The following PALS2 variants were observed in gnomAD, a reference collection of about 807,000 sequenced individuals.
PALS2 encodes protein PALS2.
A neutral mutation model predicts 61.6 loss-of-function variants in PALS2; 27 were observed. That is an observed-to-expected ratio of 0.44 (90% CI 0.32 to 0.60). PALS2 has a LOEUF of 0.60. Ranked by LOEUF, PALS2 falls within the 20% of genes least tolerant of loss-of-function variation. The pLI is 0.05. For missense variants in PALS2, 554 were observed against 639.4 expected (o/e 0.87, Z 1.44); for synonymous variants, 236 against 218.6 (o/e 1.08, Z -0.70).
intron 1 of PALS2, among the ~76,000 whole-genome samples, chr7:24,611,944 G>A (rs1027889327): frequency 4.0e-5 from 6 of 151,800 alleles, no homozygotes; most frequent in Non-Finnish European, 7.4e-5. Context: ...GTCTGGGTAC[G>A]ATATGATAAT....
chr7:24,643,393 G>A (rs1321421593), intron 3 of PALS2, among the ~76,000 whole-genome samples: 1 of 152,024 alleles, frequency 6.6e-6, no homozygotes, highest in African/African-American at 2.4e-5. Flanking sequence ...GATCACTATT[G>A]TACTCTTAGC....
At chr7:24,667,030 G>T (rs1318533932) in intron 8 of PALS2, 1 of 151,986 alleles carries the variant, frequency 6.6e-6, no homozygotes, top group African/African-American at 2.4e-5. Context: ...ATAGAAGGAA[G>T]AAGTAGGCTT....
In PALS2 at chr7:24,668,382, A is replaced by G. The variant is rs1012318604; in HGVS notation, c.953-117A>G. 4.8e-5 allele frequency: 43 copies of G among 902,802 alleles called. No individual in the cohort carries two copies. The African/African-American group carries it at 6.3e-4, about 13-fold the overall frequency. 55.9% of individuals were successfully genotyped at this position (902,802 alleles called of 1,614,324 possible). On this transcript the variant is annotated intron_variant, in intron 8 of 11. Coordinates refer to ENST00000222644, the MANE Select transcript of PALS2 (RefSeq NM_001303037.2). ...AAAAACAAATCTATGCTAAGTGGGT[A>G]CAAGTCAAGTGATATTTAACTATCA...
chr7:24,647,748 CAA>C (rs535094025), intron 3 of PALS2, among the ~76,000 whole-genome samples: 22 of 152,290 alleles, frequency 1.4e-4, no homozygotes, highest in African/African-American at 5.1e-4. Flanking sequence ...CAAGTGGTAA[CAA>C]ATGAGTTTTT....
At chr7:24,575,941 T>G (rs985572830) in intron 1 of PALS2, among the ~76,000 whole-genome samples, 3 of 152,218 alleles carry the variant, frequency 2.0e-5, no homozygotes, top group Non-Finnish European at 4.4e-5. Flanking sequence ...CCAGAGTGAT[T>G]CACTTGATGA....
chr7:24,654,681 T>C lies in PALS2; in HGVS notation c.651+3969T>C, dbSNP rs114212565. Among the ~76,000 whole-genome samples, 792 of 152,320 alleles carry C rather than the reference T, an allele frequency of 5.2e-3. 7 individuals are homozygous for C. The highest frequency in any genetic ancestry group is 0.017 in the African/African-American group (724 of 41,574). ...TGTTGATTTTTCACTCATTAACTTG[T>C]AGATTTAATGGAATTCCAGTCAAAA... is the stretch of plus-strand genomic sequence containing the variant. On this transcript the variant is annotated intron_variant, in intron 5 of 11. Coordinates refer to ENST00000222644, the MANE Select transcript of PALS2 (RefSeq NM_001303037.2).
chr7:24,680,066 A>C (rs1787837687), intron 10 of PALS2, among the ~76,000 whole-genome samples: 1 of 152,192 alleles, frequency 6.6e-6, no homozygotes, highest in Admixed American at 6.5e-5. Flanking sequence ...CTCTCCAATT[A>C]ATCAACATTG....
chr7:24,680,144 C>T (rs1787842994), intron 10 of PALS2, among the ~76,000 whole-genome samples: 1 of 152,120 alleles, frequency 6.6e-6, no homozygotes, highest in Non-Finnish European at 1.5e-5. Flanking sequence ...TTACATCACT[C>T]TTGATGATTT....
chr7:24,668,006 T>A (rs1433101923), intron 8 of PALS2, among the ~76,000 whole-genome samples: 1 of 151,840 alleles, frequency 6.6e-6, no homozygotes, highest in Non-Finnish European at 1.5e-5. Context: ...TGGAACCAGA[T>A]GTTTAAAGCA....
intron 1 of PALS2, among the ~76,000 whole-genome samples, chr7:24,612,615 A>G (rs1371940263): frequency 1.3e-5 from 2 of 151,824 alleles, no homozygotes; most frequent in East Asian, 1.9e-4. Flanking sequence ...AATAATTTTC[A>G]TATCTGTCTG....
At chr7:24,620,109 A>G (rs945746086) in intron 1 of PALS2, 2 of 152,188 alleles carry the variant, frequency 1.3e-5, no homozygotes, top group Non-Finnish European at 2.9e-5. Flanking sequence ...TGAAGTTTGG[A>G]GAAGAAAGGG....
At position 24,573,614 on chromosome 7, in the gene PALS2, C is replaced by T; in HGVS notation, c.-3+21C>T. 1 of 346,868 alleles carries T rather than the reference C, an allele frequency of 2.9e-6. No individual in the cohort carries two copies. Among genetic ancestry groups the T allele is most frequent in the Non-Finnish European group, 5.2e-6 (1 of 193,034 alleles). The allele number at this position is 346,868 out of a possible 1,614,324, so 21.5% of individuals were successfully genotyped here. A position where few individuals can be genotyped will look rare whatever the true frequency, so the allele number is the denominator to read the frequency against. ...AGCCGGTGAGTTAACTGGACCCCCA[C>T]GCCGCTCGGGTAACGGTCGCGCCGC... On this transcript the variant is annotated intron_variant, in intron 1 of 11. Coordinates refer to ENST00000222644, the MANE Select transcript of PALS2 (RefSeq NM_001303037.2). The surrounding 1 kb of genome is among the most constrained non-coding windows in gnomAD (Gnocchi z 5.3).
intron 4 of PALS2, 21 bp downstream of exon 4, chr7:24,649,785 A>T: frequency 6.5e-7 from 1 of 1,547,846 alleles, no homozygotes. Flanking sequence ...ATAAATCAGT[A>T]CCCTATTAAA....
At chr7:24,670,073 T>C (rs1209853345) in intron 9 of PALS2, among the ~76,000 whole-genome samples, 1 of 152,184 alleles carries the variant, frequency 6.6e-6, no homozygotes, top group African/African-American at 2.4e-5. Context: ...TCCATATTTC[T>C]TAATAATGTC....
intron 2 of PALS2, among the ~76,000 whole-genome samples, chr7:24,637,207 C>T (rs1005539686): frequency 3.3e-5 from 5 of 151,098 alleles, no homozygotes; most frequent in East Asian, 3.9e-4. Context: ...TATCTAATCT[C>T]GGAATTTGTA....
intron 5 of PALS2, among the ~76,000 whole-genome samples, chr7:24,661,974 G>GT (rs919409342): frequency 5.9e-5 from 9 of 151,890 alleles, no homozygotes; most frequent in African/African-American, 1.9e-4. Flanking sequence ...AATTATTTTG[G>GT]TTTTTTCCCG....
rs1476109056 is a variant in PALS2 at position 24,691,400 on chromosome 7, T to A, written c.*3786T>A. On this transcript the variant is annotated 3_prime_UTR_variant, in exon 12 of 12. Coordinates refer to ENST00000222644, the MANE Select transcript of PALS2 (RefSeq NM_001303037.2). ...GCCATATATTATGTATGTGTGTGTGTGTGTGTATATATATATATATATATA... is the reference window on the plus strand; with the variant it reads ...GCCATATATTATGTATGTGTGTGTGAGTGTGTATATATATATATATATATA... The A allele has an allele frequency of 8.7e-6, 1 of 115,284 alleles. No individual in the cohort carries two copies. The highest frequency in any genetic ancestry group is 1.9e-5 in the Non-Finnish European group (1 of 52,478). The allele number at this position is 115,284 out of a possible 1,614,324, so 7.1% of individuals were successfully genotyped here. A position where few individuals can be genotyped will look rare whatever the true frequency, so the allele number is the denominator to read the frequency against.
At chr7:24,684,003 C>G (rs927760225) in intron 11 of PALS2, among the ~76,000 whole-genome samples, 1 of 152,186 alleles carries the variant, frequency 6.6e-6, no homozygotes, top group Non-Finnish European at 1.5e-5. Context: ...ATAAGTATAT[C>G]AACATAACCA....
intron 11 of PALS2, among the ~76,000 whole-genome samples, chr7:24,686,710 G>A (rs1238554656): frequency 6.6e-6 from 1 of 152,094 alleles, no homozygotes; most frequent in Non-Finnish European, 1.5e-5. Context: ...CATACCCACT[G>A]ATTCTGAAAC....
Sources: gnomAD v4.1 joint callset for allele counts (sites outside exome capture counted in the v4.1 genomes callset) on GRCh38, gnomAD v4.1.1 for gene constraint, Gnocchi (gnomAD v3.1) non-coding constraint, MANE v1.5 for transcripts, NCBI Gene and HGNC (gene_info 2026-07-23, HGNC 2026-07-21) for gene names.